CASP5: variants seen among roughly 807,000 people sequenced by gnomAD.
CASP5 encodes caspase 5, also known as caspase-5.
Under a neutral mutation model 45.2 loss-of-function variants are expected in CASP5, and 42 were observed. That is an observed-to-expected ratio of 0.93 (90% CI 0.73 to 1.20). The LOEUF is 1.20. Ranked by LOEUF, CASP5 falls within the 50% of genes most tolerant of loss-of-function variation. CASP5 has a pLI of 0.00. For missense variants in CASP5, 512 were observed against 532.2 expected (o/e 0.96, Z 0.37); for synonymous variants, 209 against 186.2 (o/e 1.12, Z -1.00).
At chr11:105,022,595 T>C (rs545430565) in intron 1 of CASP5, among the ~76,000 whole-genome samples, 2 of 152,236 alleles carry the variant, frequency 1.3e-5, no homozygotes, top group South Asian at 4.1e-4. Context: ...TAAAAGTCTA[T>C]GATAGCAACC....
At chr11:105,000,653 G>T (rs890658561) in intron 5 of CASP5, among the ~76,000 whole-genome samples, 158 bp from the exon 6 acceptor site, 1 of 151,326 alleles carries the variant, frequency 6.6e-6, no homozygotes, top group Non-Finnish European at 1.5e-5. Context: ...ATGTTTTTTT[G>T]TTTTGTTTTT....
At chr11:105,016,718 G>A (rs931377757) in intron 1 of CASP5, among the ~76,000 whole-genome samples, 1 of 152,164 alleles carries the variant, frequency 6.6e-6, no homozygotes, top group African/African-American at 2.4e-5. Flanking sequence ...AGGCAGCAGC[G>A]AGGCTGGGGG....
At chr11:105,016,326 C>G (rs1466904779) in intron 1 of CASP5, among the ~76,000 whole-genome samples, 1 of 152,132 alleles carries the variant, frequency 6.6e-6, no homozygotes, top group Non-Finnish European at 1.5e-5. Flanking sequence ...CGAATAGGAA[C>G]AGCTCCAGTC....
At chr11:105,010,369 C>T (rs1227917770) in intron 1 of CASP5, among the ~76,000 whole-genome samples, 1 of 148,356 alleles carries the variant, frequency 6.7e-6, no homozygotes, top group Non-Finnish European at 1.5e-5. Flanking sequence ...TTAACAATAT[C>T]AGTAATTATC....
intron 1 of CASP5, among the ~76,000 whole-genome samples, chr11:105,020,536 A>T (rs1295554882): frequency 6.7e-6 from 1 of 148,726 alleles, no homozygotes; most frequent in Non-Finnish European, 1.5e-5. Context: ...GAGCCAAATC[A>T]TGAGTGAACT....
intron 1 of CASP5, among the ~76,000 whole-genome samples, chr11:105,016,418 T>G (rs1160457303): frequency 6.6e-6 from 1 of 151,832 alleles, no homozygotes; most frequent in Non-Finnish European, 1.5e-5. Flanking sequence ...CACTAAGGAG[T>G]GCCAGACAGT....
chr11:105,018,184 AC>A (rs1269551206), intron 1 of CASP5, among the ~76,000 whole-genome samples: 1 of 151,982 alleles, frequency 6.6e-6, no homozygotes, highest in Non-Finnish European at 1.5e-5. Context: ...AACAACCGGT[AC>A]CAGCCGCTGC....
rs755827751 is a variant in CASP5, at chr11:105,000,443, G to C, written c.770C>G (p.Ser257Cys). 3.0e-5 allele frequency: 48 copies of C among 1,614,190 alleles called. No individual in the cohort carries two copies. In the East Asian group the frequency reaches 3.6e-4, roughly 12 times the overall value. ...CATGAGTACCAAGAACGTGCTGTCA[G>C]AGGACTTGTGCTCTGGTCTGGCAGC... ...AFAARPEHKS[S>C]DSTFLVLMSH... The change falls in exon 6 of 10, where the codon TCT becomes TGT. Residue 257 changes from serine (S) to cysteine (C), a missense_variant. Physicochemically the swap from Ser to Cys is moderately radical, Grantham distance 112. Coordinates refer to ENST00000260315, the MANE Select transcript of CASP5 (RefSeq NM_004347.5).
chr11:105,011,893 C>T (rs1862369090), intron 1 of CASP5, among the ~76,000 whole-genome samples: 1 of 151,598 alleles, frequency 6.6e-6, no homozygotes, highest in South Asian at 2.1e-4. Context: ...CAATACAATT[C>T]CTATTAAGCC....
intron 3 of CASP5, among the ~76,000 whole-genome samples, chr11:105,006,454 T>C (rs1160914277): frequency 6.6e-6 from 1 of 152,246 alleles, no homozygotes; most frequent in East Asian, 1.9e-4. Flanking sequence ...ATGTTACTTC[T>C]TTTTACTGAA....
rs191304580 is a variant in CASP5, at chr11:105,016,436, G to A, written c.7+6694C>T. ...TAAGGAGTGCCAGACAGTGGGCGCA[G>A]GTCAGTGGGTGCGTGCACCGTGTGC... is the stretch of plus-strand genomic sequence containing the variant. On this transcript the variant is annotated intron_variant, in intron 1 of 9. Transcript: ENST00000260315. Among the ~76,000 whole-genome samples, 1,232 of 152,310 alleles carry A rather than the reference G, an allele frequency of 8.1e-3. 7 individuals carry two copies. Among genetic ancestry groups the A allele is most frequent in the Non-Finnish European group, 0.013 (865 of 68,034 alleles).
chr11:105,007,355 C>T, intron 2 of CASP5, 21 bp from the exon 3 acceptor site: 1 of 1,583,380 alleles, frequency 6.3e-7, no homozygotes, highest in Non-Finnish European at 8.5e-7. Flanking sequence ...TAGAAAGACT[C>T]CTTTAACTAT....
chr11:105,010,336 A>G (rs1029880661), intron 1 of CASP5, among the ~76,000 whole-genome samples: 5 of 121,432 alleles, frequency 4.1e-5, no homozygotes, highest in African/African-American at 1.9e-4. Flanking sequence ...TCATCATTAT[A>G]TCATGAGTAA....
intron 1 of CASP5, among the ~76,000 whole-genome samples, chr11:105,009,901 A>G (rs530093522): frequency 0.019 from 2,499 of 132,124 alleles, 122 homozygotes; most frequent in African/African-American, 0.066. Context: ...ATATATACAT[A>G]TATATACACA....
chr11:105,019,534 G>A (rs188273529), intron 1 of CASP5, among the ~76,000 whole-genome samples: 14,615 of 146,562 alleles, frequency 0.1, 928 homozygotes, highest in Admixed American at 0.19. Flanking sequence ...ACACCTCTAC[G>A]CAAATAAACT....
At chr11:105,000,796 C>G (rs570271015) in intron 5 of CASP5, among the ~76,000 whole-genome samples, 3 of 152,054 alleles carry the variant, frequency 2.0e-5, no homozygotes, top group African/African-American at 7.2e-5. Flanking sequence ...CTTTTCTCTC[C>G]TTTCCTAACA....
chr11:104,999,048 C>T lies in CASP5; in HGVS notation c.953-20G>A. On this transcript the variant is annotated intron_variant, in intron 6 of 9. Coordinates refer to ENST00000260315, the MANE Select transcript of CASP5 (RefSeq NM_004347.5). ...GTTTTTCTGTAGAGACATCAACTTT[C>T]TTTTTTTTTTATGTTACTTTAAGTT... The T allele has an allele frequency of 2.1e-6, 3 of 1,409,920 alleles. No individual in the cohort carries two copies. The highest frequency in any genetic ancestry group is 2.6e-5 in the East Asian group (1 of 38,648). 87.3% of individuals were successfully genotyped at this position (1,409,920 alleles called of 1,614,324 possible).
At chr11:105,015,344 TA>T (rs1862536299) in intron 1 of CASP5, among the ~76,000 whole-genome samples, 1 of 152,238 alleles carries the variant, frequency 6.6e-6, no homozygotes, top group African/African-American at 2.4e-5. Flanking sequence ...CACACAGTAT[TA>T]TTTTTAAAAA....
chr11:104,996,472 A>G (rs369767544), intron 8 of CASP5, among the ~76,000 whole-genome samples: 43 of 152,338 alleles, frequency 2.8e-4, no homozygotes, highest in African/African-American at 9.1e-4. Flanking sequence ...AATCTTCTTT[A>G]AACACCAGTG....
Sources: allele counts gnomAD v4.1 joint callset (sites outside exome capture counted in the v4.1 genomes callset), GRCh38; gene constraint gnomAD v4.1.1; transcripts MANE v1.5; gene names NCBI Gene and HGNC (gene_info 2026-07-23, HGNC 2026-07-21).